The following DLGAP2 variants were observed in gnomAD, a reference collection of about 807,000 sequenced individuals.
DLGAP2 encodes DLG associated protein 2.
In DLGAP2, 26 loss-of-function variants were observed where a neutral mutation model predicts 100.3. The observed-to-expected ratio is 0.26, with a 90% CI of 0.19 to 0.36. DLGAP2 has a LOEUF of 0.36. Ranked by LOEUF, DLGAP2 falls within the 10% of genes least tolerant of loss-of-function variation. DLGAP2 has a pLI of 1.00. For missense variants in DLGAP2, 1,858 were observed against 1,453.2 expected, an observed-to-expected ratio of 1.28 and a Z score of -4.53; for synonymous variants, 886 against 630.1, an observed-to-expected ratio of 1.41 and a Z score of -6.08.
At chr8:1,175,747 C>G (rs147925635) in intron 2 of DLGAP2, among the ~76,000 whole-genome samples, 38 of 152,310 alleles carry the variant, frequency 2.5e-4, no homozygotes, top group African/African-American at 8.7e-4. Flanking sequence ...GAATGAATAA[C>G]TAGATCTTTG....
intron 12 of DLGAP2, among the ~76,000 whole-genome samples, chr8:1,683,119 C>T (rs1259870694): frequency 6.6e-6 from 1 of 151,412 alleles, no homozygotes; most frequent in African/African-American, 2.4e-5. Flanking sequence ...GGGAGAAGAC[C>T]AGGTACAGGA....
At chr8:1,607,945 C>A (rs9314437) in intron 6 of DLGAP2, among the ~76,000 whole-genome samples, 6 of 137,400 alleles carry the variant, frequency 4.4e-5, no homozygotes, top group Non-Finnish European at 8.2e-5. Flanking sequence ...AACTGCAAGG[C>A]GGCAGCGAGG....
At chr8:1,491,193 A>T (rs986108474) in intron 3 of DLGAP2, among the ~76,000 whole-genome samples, 1 of 151,160 alleles carries the variant, frequency 6.6e-6, no homozygotes, top group African/African-American at 2.4e-5. Context: ...TTGATGTTGC[A>T]TGAAATATGT....
At chr8:1,368,660 C>T (rs779332388) in intron 3 of DLGAP2, 30 of 152,006 alleles carry the variant, frequency 2.0e-4, no homozygotes, top group South Asian at 4.2e-4. Flanking sequence ...CGTCTGGTGC[C>T]GTATATCAAT....
chr8:1,489,660 A>G lies in DLGAP2; in HGVS notation c.107-11706A>G, dbSNP rs578033022. 6.8e-3 allele frequency among the ~76,000 whole-genome samples: 1,043 copies of G among 152,358 alleles called. 7 individuals are homozygous for G. Among genetic ancestry groups the G allele is most frequent in the Non-Finnish European group, 0.011 (752 of 68,038 alleles). ...TTTAAAGAGAAAATAAAACACGGCC[A>G]TAATTCCGCTCATCAGAGCCCATCG... is the stretch of plus-strand genomic sequence containing the variant. On this transcript the variant is annotated intron_variant, in intron 3 of 14. Transcript: ENST00000637795.
intron 2 of DLGAP2, among the ~76,000 whole-genome samples, chr8:1,066,086 C>T (rs1467135758): frequency 3.3e-5 from 5 of 151,922 alleles, no homozygotes; most frequent in Admixed American, 2.0e-4. Context: ...TTCCCCACAA[C>T]GGTCAGGTCT....
chr8:1,379,486 C>T (rs73170500), intron 3 of DLGAP2: 9,979 of 152,394 alleles, frequency 0.065, 486 homozygotes, highest in East Asian at 0.2. Context: ...ATTTCCTCCT[C>T]CCGCTTCCTT....
At chr8:1,289,461 T>C (rs1800011539) in intron 3 of DLGAP2, among the ~76,000 whole-genome samples, 2 of 152,196 alleles carry the variant, frequency 1.3e-5, no homozygotes, top group South Asian at 4.1e-4. Flanking sequence ...TCTTCTATTT[T>C]TAAGCCCCTC....
chr8:954,198 T>C (rs1799545711), intron 2 of DLGAP2, among the ~76,000 whole-genome samples: 1 of 152,194 alleles, frequency 6.6e-6, no homozygotes, highest in Non-Finnish European at 1.5e-5. Context: ...GTTACCAGTT[T>C]TTTGTGTAGT....
chr8:1,168,404 G>A (rs1797062188), intron 2 of DLGAP2, among the ~76,000 whole-genome samples: 1 of 151,838 alleles, frequency 6.6e-6, no homozygotes, highest in Non-Finnish European at 1.5e-5. Context: ...CCAGTAATGG[G>A]ATGGCTGGGT....
intron 4 of DLGAP2, among the ~76,000 whole-genome samples, chr8:1,539,285 C>G (rs1451833304): frequency 3.9e-5 from 6 of 152,240 alleles, no homozygotes; most frequent in African/African-American, 1.2e-4. Flanking sequence ...GACTTAATCG[C>G]TGCTGTTGGC....
intron 2 of DLGAP2, among the ~76,000 whole-genome samples, chr8:1,224,662 A>G (rs1798379537): frequency 6.6e-6 from 1 of 152,242 alleles, no homozygotes; most frequent in South Asian, 2.1e-4. Context: ...TCCAGAATGA[A>G]AAGAGAGATT....
chr8:1,173,880 G>A (rs1331203714), intron 2 of DLGAP2, among the ~76,000 whole-genome samples: 4 of 152,178 alleles, frequency 2.6e-5, no homozygotes, highest in African/African-American at 7.2e-5. Context: ...CACGGTGCAC[G>A]CACCCACTGA....
rs549531728 is a variant in DLGAP2, at chr8:1,470,658, G to T, written c.107-30708G>T. 1.0e-3 allele frequency among the ~76,000 whole-genome samples: 156 copies of T among 152,108 alleles called. 1 individual carries two copies. Among genetic ancestry groups the T allele is most frequent in the African/African-American group, 3.5e-3 (143 of 41,424 alleles). ...AAAAGTGAAAGTGACTAATCTCTCGGCACAATCCTACCATTTTAAGATCCT... is the reference window on the plus strand; with the variant it reads ...AAAAGTGAAAGTGACTAATCTCTCGTCACAATCCTACCATTTTAAGATCCT... On this transcript the variant is annotated intron_variant, in intron 3 of 14. Coordinates refer to ENST00000637795, the MANE Select transcript of DLGAP2 (RefSeq NM_001346810.2).
intron 2 of DLGAP2, among the ~76,000 whole-genome samples, chr8:1,151,417 T>C (rs376372191): frequency 6.6e-6 from 1 of 152,180 alleles, no homozygotes; most frequent in African/African-American, 2.4e-5. Flanking sequence ...GAAGTCACTG[T>C]ACAGAGGAAA....
chr8:808,027 A>T (rs149564852), intron 1 of DLGAP2, among the ~76,000 whole-genome samples: 9 of 152,210 alleles, frequency 5.9e-5, no homozygotes, highest in Admixed American at 2.0e-4. Context: ...CAGAAGATCT[A>T]TGGTGAAGTC....
chr8:1,347,148 G>C (rs1247288693), intron 3 of DLGAP2, among the ~76,000 whole-genome samples: 3 of 152,036 alleles, frequency 2.0e-5, no homozygotes, highest in Admixed American at 2.0e-4. Context: ...TGGCGGCTGT[G>C]TGGAGGTTGC....
intron 2 of DLGAP2, among the ~76,000 whole-genome samples, chr8:1,242,523 C>G (rs4976876): frequency 0.78 from 118,914 of 152,158 alleles, 46,780 homozygotes; most frequent in Middle Eastern, 0.9. Flanking sequence ...ACTTCCTCTT[C>G]AATCCTGCTG....
intron 4 of DLGAP2, among the ~76,000 whole-genome samples, chr8:1,544,855 C>G (rs1801481379): frequency 6.6e-6 from 1 of 151,872 alleles, no homozygotes; most frequent in Non-Finnish European, 1.5e-5. Flanking sequence ...GCATCAGCCT[C>G]CTGAGTAGCT....
Sources: gnomAD v4.1 joint callset for allele counts (sites outside exome capture counted in the v4.1 genomes callset) on GRCh38, gnomAD v4.1.1 for gene constraint, MANE v1.5 for transcripts, NCBI Gene and HGNC (gene_info 2026-07-23, HGNC 2026-07-21) for gene names.